The following COG5 variants were observed in gnomAD, a reference collection of about 807,000 sequenced individuals.
The protein encoded by COG5 is conserved oligomeric Golgi complex subunit 5.
COG5 carries 86 observed loss-of-function variants against 110.4 expected under a neutral mutation model. The observed-to-expected ratio is 0.78, with a 90% CI of 0.65 to 0.93. COG5 has a LOEUF of 0.93. Ranked by LOEUF, COG5 falls within the 40% of genes least tolerant of loss-of-function variation. The probability of loss-of-function intolerance (pLI) is 0.00; values close to 1 mark genes in which losing one functional copy is unlikely to be tolerated. For missense variants in COG5, 1,077 were observed against 987.0 expected, an observed-to-expected ratio of 1.09 and a Z score of -1.22; for synonymous variants, 360 against 334.6, an observed-to-expected ratio of 1.08 and a Z score of -0.83.
rs115392117 is a variant in COG5, at chr7:107,398,114, G to A, written c.669+14388C>T. Among the ~76,000 whole-genome samples, 954 of 152,026 alleles carry A rather than the reference G, an allele frequency of 6.3e-3. 15 individuals are homozygous for A. Among genetic ancestry groups the A allele is most frequent in the African/African-American group, 0.022 (909 of 41,458 alleles). ...TTCATAATATACAAAAGAAAACATG[G>A]ATAAACTAGACTTTATCAAAACAAA... On this transcript the variant is annotated intron_variant, in intron 7 of 21. Transcript: ENST00000297135.
intron 6 of COG5, among the ~76,000 whole-genome samples, chr7:107,477,709 A>G (rs1310590786): frequency 1.3e-5 from 2 of 151,878 alleles, no homozygotes; most frequent in Non-Finnish European, 2.9e-5. Context: ...TATGTAAACC[A>G]AAATAATATG....
intron 6 of COG5, among the ~76,000 whole-genome samples, chr7:107,523,076 T>G (rs1442248968): frequency 6.6e-6 from 1 of 152,196 alleles, no homozygotes; most frequent in East Asian, 1.9e-4. Flanking sequence ...TGAAATTCTG[T>G]TGAATTCATA....
At chr7:107,229,217 G>A (rs1451409162) in intron 19 of COG5, among the ~76,000 whole-genome samples, 1 of 152,128 alleles carries the variant, frequency 6.6e-6, no homozygotes, top group Non-Finnish European at 1.5e-5. Context: ...TTGGGAGGCC[G>A]AGGCAGGCAG....
chr7:107,385,403 C>T (rs1049785813), intron 7 of COG5, among the ~76,000 whole-genome samples: 8 of 151,990 alleles, frequency 5.3e-5, no homozygotes, highest in Non-Finnish European at 1.0e-4. Flanking sequence ...AATGACAGCC[C>T]CAGGAAACCA....
intron 21 of COG5, among the ~76,000 whole-genome samples, chr7:107,207,655 G>A (rs541759542): frequency 1.3e-5 from 2 of 152,300 alleles, no homozygotes; most frequent in African/African-American, 2.4e-5. Context: ...CGAGCCAGGC[G>A]GCTGCCTCTG....
At chr7:107,293,345 T>C (rs149102795) in intron 12 of COG5, among the ~76,000 whole-genome samples, 1 of 152,214 alleles carries the variant, frequency 6.6e-6, no homozygotes, top group Non-Finnish European at 1.5e-5. Context: ...GGCCCTGCTC[T>C]TCCCAGGAAG....
At chr7:107,350,208 T>C (rs1462972766) in intron 10 of COG5, among the ~76,000 whole-genome samples, 4 of 152,174 alleles carry the variant, frequency 2.6e-5, no homozygotes. Context: ...CATTGGATCC[T>C]CCGTAATTTT....
intron 6 of COG5, among the ~76,000 whole-genome samples, chr7:107,503,331 T>C (rs897477426): frequency 6.6e-6 from 1 of 152,154 alleles, no homozygotes; most frequent in Non-Finnish European, 1.5e-5. Flanking sequence ...ATTTCTGAGT[T>C]CTCTATTCTG....
intron 6 of COG5, among the ~76,000 whole-genome samples, chr7:107,496,301 A>G (rs1179030249): frequency 6.6e-6 from 1 of 152,208 alleles, no homozygotes; most frequent in African/African-American, 2.4e-5. Flanking sequence ...GTGTATTAAA[A>G]GGATCATACA....
chr7:107,493,542 G>C (rs190717943), intron 6 of COG5, among the ~76,000 whole-genome samples: 134 of 152,194 alleles, frequency 8.8e-4, no homozygotes, highest in Admixed American at 1.6e-3. Context: ...TTGTAAAACA[G>C]AACTTATTTA....
In COG5 at chr7:107,303,265, T is replaced by C. The variant is rs551889420; in HGVS notation, c.1109-4919A>G. On this transcript the variant is annotated intron_variant, in intron 11 of 21. Coordinates refer to ENST00000297135, the MANE Select transcript of COG5 (RefSeq NM_006348.5). ...CAGTATCATTTTCACAAAAATCTTA[T>C]CTATACAGAACAAATTACTACTGAG... Among the ~76,000 whole-genome samples the C allele has an allele frequency of 8.5e-5, 13 of 152,148 alleles. No homozygotes were observed. The South Asian group carries it at 2.3e-3, about 27-fold the overall frequency.
At chr7:107,399,226 TAA>T (rs1312237427) in intron 7 of COG5, among the ~76,000 whole-genome samples, 1 of 151,804 alleles carries the variant, frequency 6.6e-6, no homozygotes, top group Non-Finnish European at 1.5e-5. Context: ...AATAAATAAA[TAA>T]GTTTACTAAA....
intron 19 of COG5, 125 bp from the exon 20 acceptor site, chr7:107,211,350 GCT>G: frequency 9.6e-7 from 1 of 1,043,360 alleles, no homozygotes; most frequent in Non-Finnish European, 1.5e-6. Context: ...GCCCTCCACT[GCT>G]TAACCACTCT....
At chr7:107,295,472 T>C (rs953431899) in intron 12 of COG5, among the ~76,000 whole-genome samples, 2 of 152,094 alleles carry the variant, frequency 1.3e-5, no homozygotes, top group African/African-American at 4.8e-5. Flanking sequence ...TGAAAAATGA[T>C]ATCCTGGCTA....
intron 10 of COG5, 59 bp downstream of exon 10, chr7:107,361,974 G>T (rs1813156549): frequency 1.8e-6 from 2 of 1,138,238 alleles, no homozygotes; most frequent in South Asian, 2.6e-5. Flanking sequence ...AAATGATGCT[G>T]ACTCATATAT....
intron 11 of COG5, among the ~76,000 whole-genome samples, chr7:107,315,221 A>G (rs3801959): frequency 0.16 from 24,564 of 151,650 alleles, 2,373 homozygotes; most frequent in Non-Finnish European, 0.22. Flanking sequence ...TAATTCTTGG[A>G]AAGATTTGAC....
intron 10 of COG5, among the ~76,000 whole-genome samples, chr7:107,357,242 G>A (rs1296827591): frequency 6.6e-6 from 1 of 152,114 alleles, no homozygotes; most frequent in Non-Finnish European, 1.5e-5. Flanking sequence ...AAGAAATTGT[G>A]CTAAATATTG....
intron 15 of COG5, 123 bp from the exon 16 acceptor site, chr7:107,256,917 C>T (rs541597023): frequency 1.1e-5 from 8 of 702,510 alleles, no homozygotes; most frequent in Middle Eastern, 3.8e-4. Context: ...CATTGCTTTA[C>T]AGTAATATCT....
At chr7:107,227,925 A>C (rs553998028) in intron 19 of COG5, among the ~76,000 whole-genome samples, 1 of 152,260 alleles carries the variant, frequency 6.6e-6, no homozygotes, top group African/African-American at 2.4e-5. Flanking sequence ...GGCCAGGCTG[A>C]ATTAGCATTA....
Sources: gnomAD v4.1 joint callset for allele counts (sites outside exome capture counted in the v4.1 genomes callset) on GRCh38, gnomAD v4.1.1 for gene constraint, MANE v1.5 for transcripts, NCBI Gene and HGNC (gene_info 2026-07-23, HGNC 2026-07-21) for gene names.